Variants in TGM6 observed in about 807,000 individuals in gnomAD.
The protein encoded by TGM6 is transglutaminase 6.
TGM6 carries 74 observed loss-of-function variants against 77.5 expected under a neutral mutation model. The ratio of observed to expected loss-of-function variants is 0.96; its 90% CI spans 0.79 to 1.16. The LOEUF is 1.16. Ranked by LOEUF, TGM6 falls within the 50% of genes most tolerant of loss-of-function variation. TGM6 has a pLI of 0.00. For missense variants in TGM6, 968 were observed against 940.2 expected (o/e 1.03, Z -0.39); for synonymous variants, 383 against 378.9 (o/e 1.01, Z -0.12).
chr20:2,420,807 T>A (rs1158841480), intron 10 of TGM6, among the ~76,000 whole-genome samples: 1 of 152,112 alleles, frequency 6.6e-6, no homozygotes, highest in Non-Finnish European at 1.5e-5. Context: ...TCCCTTACGG[T>A]TTTTGTGTCT....
At chr20:2,393,294 C>G (rs575583200) in intron 1 of TGM6, among the ~76,000 whole-genome samples, 53 of 152,270 alleles carry the variant, frequency 3.5e-4, no homozygotes, top group Non-Finnish European at 6.3e-4. Context: ...AAACAAATAA[C>G]CTTTCTCTGT....
Position 2,406,514 on chromosome 20 carries a change from G to A in TGM6, c.1336+2691G>A, listed in dbSNP as rs796116126. On this transcript the variant is annotated intron_variant, in intron 9 of 12. Transcript: ENST00000202625. Reference sequence around the variant, plus strand: ...TCTCAAAAAAAAAAAAAAAGTACATGAGGTCTGTGGGTCTTTTGTCCTAAG... The same window carrying A: ...TCTCAAAAAAAAAAAAAAAGTACATAAGGTCTGTGGGTCTTTTGTCCTAAG... 4.2e-5 allele frequency among the ~76,000 whole-genome samples: 6 copies of A among 144,088 alleles called. 1 individual carries two copies. Among genetic ancestry groups the A allele is most frequent in the African/African-American group, 1.6e-4 (6 of 38,136 alleles). 94.5% of individuals were successfully genotyped at this position (144,088 alleles called of 152,430 possible). A position where few individuals can be genotyped will look rare whatever the true frequency, so the allele number is the denominator to read the frequency against.
At chr20:2,381,664 C>A (rs531032124) in intron 1 of TGM6, among the ~76,000 whole-genome samples, 9 of 152,314 alleles carry the variant, frequency 5.9e-5, no homozygotes, top group African/African-American at 2.2e-4. Flanking sequence ...CGCCTCTAAT[C>A]CCAGCATTTT....
intron 10 of TGM6, among the ~76,000 whole-genome samples, chr20:2,422,113 T>C (rs963691120): frequency 1.3e-5 from 2 of 152,162 alleles, no homozygotes; most frequent in Admixed American, 6.5e-5. Flanking sequence ...GCCTGGGCGA[T>C]AGAGCAAGAC....
At chr20:2,412,825 A>G (rs2084792608) in intron 9 of TGM6, among the ~76,000 whole-genome samples, 1 of 152,236 alleles carries the variant, frequency 6.6e-6, no homozygotes, top group Admixed American at 6.5e-5. Context: ...ATTCAACAAA[A>G]GAAGAGCAAG....
intron 9 of TGM6, among the ~76,000 whole-genome samples, chr20:2,411,379 GA>G (rs1212345122): frequency 2.0e-5 from 3 of 151,664 alleles, no homozygotes. Flanking sequence ...CGTATCAATA[GA>G]AAAAAGGACA....
chr20:2,424,894 G>A (rs1035300186), intron 10 of TGM6, among the ~76,000 whole-genome samples: 35 of 152,184 alleles, frequency 2.3e-4, no homozygotes, highest in African/African-American at 8.4e-4. Context: ...TCCGGGAATA[G>A]GAAGGCCCAA....
chr20:2,402,147 C>T (rs1465040497), intron 7 of TGM6, among the ~76,000 whole-genome samples: 1 of 151,998 alleles, frequency 6.6e-6, no homozygotes, highest in African/African-American at 2.4e-5. Flanking sequence ...GAGGCTGAGG[C>T]GTGAGAATCA....
At chr20:2,389,894 G>A (rs2084619273) in intron 1 of TGM6, among the ~76,000 whole-genome samples, 1 of 152,048 alleles carries the variant, frequency 6.6e-6, no homozygotes, top group African/African-American at 2.4e-5. Context: ...CCCTATAGAT[G>A]GGCTAATATG....
chr20:2,407,381 G>T (rs1242111116), intron 9 of TGM6, among the ~76,000 whole-genome samples: 2 of 152,184 alleles, frequency 1.3e-5, no homozygotes, highest in Admixed American at 6.5e-5. Context: ...CACTTTGGGA[G>T]GCCAAGGTGG....
Position 2,424,163 on chromosome 20 carries a change from G to A in TGM6, c.1679-6283G>A, listed in dbSNP as rs144739226. On this transcript the variant is annotated intron_variant, in intron 10 of 12. Coordinates refer to ENST00000202625, the MANE Select transcript of TGM6 (RefSeq NM_198994.3). ...CAACTTAAAGTCACCAGCTGCATTAGCTCCTTAATGCACAGAGTCAGCCTC... is the reference window on the plus strand; with the variant it reads ...CAACTTAAAGTCACCAGCTGCATTAACTCCTTAATGCACAGAGTCAGCCTC... 6.8e-4 allele frequency among the ~76,000 whole-genome samples: 104 copies of A among 152,338 alleles called. 1 individual carries two copies. Among genetic ancestry groups the A allele is most frequent in the African/African-American group, 2.2e-3 (92 of 41,584 alleles).
intron 1 of TGM6, among the ~76,000 whole-genome samples, chr20:2,392,959 C>T (rs1208455637): frequency 6.6e-6 from 1 of 152,174 alleles, no homozygotes; most frequent in African/African-American, 2.4e-5. Flanking sequence ...GAATCCATGT[C>T]AGCTGCCCCC....
At position 2,380,926 on chromosome 20, in the gene TGM6, A is replaced by C. The variant is rs780843816; in HGVS notation, c.-43A>C. 6.2e-7 allele frequency: 1 copy of C among 1,601,520 alleles called. No homozygotes were observed. Among genetic ancestry groups the C allele is most frequent in the Non-Finnish European group, 8.5e-7 (1 of 1,175,898 alleles). On this transcript the variant is annotated 5_prime_UTR_variant, in exon 1 of 13. Coordinates refer to ENST00000202625, the MANE Select transcript of TGM6 (RefSeq NM_198994.3). ...GCGCCACACTGTCCTGACGGTGCAC[A>C]CACTGCTGTGTGGAGGAACAGAGGA...
chr20:2,393,997 A>C (rs2084645067), intron 1 of TGM6, among the ~76,000 whole-genome samples: 2 of 152,114 alleles, frequency 1.3e-5, no homozygotes, highest in South Asian at 4.1e-4. Context: ...TACAGAACTT[A>C]ATGACCAAGA....
At chr20:2,411,788 G>A (rs1044518312) in intron 9 of TGM6, among the ~76,000 whole-genome samples, 1 of 152,168 alleles carries the variant, frequency 6.6e-6, no homozygotes, top group Non-Finnish European at 1.5e-5. Flanking sequence ...GTCTAAATGT[G>A]AGAGCTAAAA....
At chr20:2,396,428 G>A in intron 3 of TGM6, 78 bp from the exon 4 acceptor site, 1 of 1,456,722 alleles carries the variant, frequency 6.9e-7, no homozygotes, top group Non-Finnish European at 9.6e-7. Flanking sequence ...CCCTGCTGCT[G>A]ATCCCTGATG....
chr20:2,408,871 A>C (rs906051795), intron 9 of TGM6, among the ~76,000 whole-genome samples: 3 of 152,130 alleles, frequency 2.0e-5, no homozygotes, highest in African/African-American at 7.3e-5. Flanking sequence ...AAGTAAAATA[A>C]CTAGTATTTC....
At chr20:2,385,642 G>A (rs1271049723) in intron 1 of TGM6, among the ~76,000 whole-genome samples, 2 of 152,108 alleles carry the variant, frequency 1.3e-5, no homozygotes, top group Non-Finnish European at 2.9e-5. Context: ...GCTTTGGAAT[G>A]TGACAGCTTG....
At chr20:2,400,531 GC>G in intron 7 of TGM6, 87 bp downstream of exon 7, 1 of 1,589,546 alleles carries the variant, frequency 6.3e-7, no homozygotes, top group South Asian at 1.1e-5. Context: ...CCACCAGGGA[GC>G]GGCAGGCCCA....
Sources: gnomAD v4.1 joint callset for allele counts (sites outside exome capture counted in the v4.1 genomes callset) on GRCh38, gnomAD v4.1.1 for gene constraint, MANE v1.5 for transcripts, NCBI Gene and HGNC (gene_info 2026-07-23, HGNC 2026-07-21) for gene names.